RAB38: variants seen among roughly 807,000 people sequenced by gnomAD.
RAB38 encodes RAB38, member RAS oncogene family.
In RAB38, 15 loss-of-function variants were observed where a neutral mutation model predicts 18.4. That is an observed-to-expected ratio of 0.82 (90% CI 0.55 to 1.26). The LOEUF (loss-of-function observed/expected upper bound fraction) is 1.26, where lower values mean the gene tolerates loss of function less well. Ranked by LOEUF, RAB38 falls within the 50% of genes most tolerant of loss-of-function variation. The pLI, the probability that RAB38 is intolerant of heterozygous loss-of-function variation, is 0.00. For missense variants in RAB38, 294 were observed against 267.4 expected, an observed-to-expected ratio of 1.10 and a Z score of -0.69; for synonymous variants, 101 against 104.4, an observed-to-expected ratio of 0.97 and a Z score of 0.20.
the RAB38 span, among the ~76,000 whole-genome samples, chr11:87,977,404 T>TAAAATATAATTATATATATA: frequency 2.9e-4 from 14 of 47,630 alleles, 2 homozygotes; most frequent in Non-Finnish European, 3.2e-4. Flanking sequence ...TATATAATTA[T>TAAAATATAATTATATATATA]ATTATAAAAT....
intron 1 of RAB38, among the ~76,000 whole-genome samples, chr11:88,171,686 C>T (rs1943313438): frequency 6.6e-6 from 1 of 152,196 alleles, no homozygotes; most frequent in African/African-American, 2.4e-5. Context: ...ATATTAGCTA[C>T]TATCCCTATA....
chr11:87,972,752 AAATAT>A, the RAB38 span, among the ~76,000 whole-genome samples: 3 of 152,064 alleles, frequency 2.0e-5, no homozygotes, highest in Admixed American at 6.6e-5. Context: ...AAACCAAAAT[AAATAT>A]ATTTTTTAAA....
chr11:88,008,107 GAAGA>G, the RAB38 span, among the ~76,000 whole-genome samples: 2 of 152,078 alleles, frequency 1.3e-5, no homozygotes, highest in African/African-American at 2.4e-5. Flanking sequence ...GAAACTTTCA[GAAGA>G]AAGAAAAAAT....
At chr11:87,975,733 A>G in the RAB38 span, among the ~76,000 whole-genome samples, 2 of 151,776 alleles carry the variant, frequency 1.3e-5, no homozygotes, top group African/African-American at 2.4e-5. Flanking sequence ...AAATTAAGGA[A>G]GTATGTTATA....
At chr11:87,920,077 C>T in the RAB38 span, among the ~76,000 whole-genome samples, 2 of 151,766 alleles carry the variant, frequency 1.3e-5, no homozygotes, top group Admixed American at 1.3e-4. Flanking sequence ...TTTTGCTTGT[C>T]TTTTCAAGGA....
chr11:88,150,024 G>A, intron 1 of RAB38, 69 bp from the exon 2 acceptor site: 1 of 1,487,798 alleles, frequency 6.7e-7, no homozygotes, highest in South Asian at 1.3e-5. Context: ...ATAACTTCAT[G>A]AAGCCTCCAA....
the RAB38 span, among the ~76,000 whole-genome samples, chr11:87,841,403 C>T: frequency 2.0e-5 from 3 of 152,152 alleles, no homozygotes; most frequent in Non-Finnish European, 4.4e-5. Context: ...CCCCTTCTAC[C>T]ATGACTTAGC....
chr11:87,938,425 CT>C, the RAB38 span, among the ~76,000 whole-genome samples: 1 of 152,038 alleles, frequency 6.6e-6, no homozygotes, highest in Non-Finnish European at 1.5e-5. Context: ...TTAGCCCTCT[CT>C]GGCACTACCC....
At chr11:88,107,630 C>G in the RAB38 span, among the ~76,000 whole-genome samples, 19 of 151,634 alleles carry the variant, frequency 1.3e-4, no homozygotes, top group East Asian at 3.7e-3. Flanking sequence ...CGGTTCTGCT[C>G]TGATCTTAGT....
the RAB38 span, among the ~76,000 whole-genome samples, chr11:88,058,243 A>T: frequency 2.6e-5 from 4 of 152,036 alleles, no homozygotes; most frequent in Non-Finnish European, 5.9e-5. Context: ...AAAAGACCAT[A>T]ACCATGAAAT....
At chr11:88,159,433 C>G (rs186743330) in intron 1 of RAB38, among the ~76,000 whole-genome samples, 1 of 151,828 alleles carries the variant, frequency 6.6e-6, no homozygotes, top group East Asian at 1.9e-4. Context: ...ACATCCAATG[C>G]CATTCCTATC....
the RAB38 span, among the ~76,000 whole-genome samples, chr11:88,107,488 CTAAG>C: frequency 1.6e-3 from 242 of 152,060 alleles, no homozygotes; most frequent in African/African-American, 5.5e-3. Flanking sequence ...TAGCACTATA[CTAAG>C]TGTTTTACAT....
At chr11:87,921,385 A>G in the RAB38 span, among the ~76,000 whole-genome samples, 28 of 151,810 alleles carry the variant, frequency 1.8e-4, no homozygotes, top group African/African-American at 6.5e-4. Flanking sequence ...TTACCAGATG[A>G]TTTCGCCCAA....
chr11:88,028,961 G>A, the RAB38 span, among the ~76,000 whole-genome samples: 282 of 152,242 alleles, frequency 1.9e-3, 2 homozygotes, highest in African/African-American at 6.3e-3. Flanking sequence ...AGGAAAAAAT[G>A]TTAAGGGCAG....
the RAB38 span, among the ~76,000 whole-genome samples, chr11:88,020,164 AGGAGC>A: frequency 1.3e-5 from 2 of 152,212 alleles, no homozygotes; most frequent in African/African-American, 4.8e-5. Flanking sequence ...AAAGACATAG[AGGAGC>A]TGAATAGATA....
chr11:88,066,025 G>T, the RAB38 span, among the ~76,000 whole-genome samples: 1 of 152,174 alleles, frequency 6.6e-6, no homozygotes, highest in Non-Finnish European at 1.5e-5. Flanking sequence ...CTCTGCAAAG[G>T]CACTGCAGAC....
the RAB38 span, among the ~76,000 whole-genome samples, chr11:87,821,595 A>G: frequency 6.6e-5 from 10 of 152,146 alleles, no homozygotes; most frequent in African/African-American, 2.4e-4. Flanking sequence ...CAGGCCTGTA[A>G]TCCTAGCACT....
chr11:88,151,738 G>C (rs1219950367), intron 1 of RAB38, among the ~76,000 whole-genome samples: 1 of 152,166 alleles, frequency 6.6e-6, no homozygotes, highest in Non-Finnish European at 1.5e-5. Flanking sequence ...TTAGCAAGCT[G>C]TTTTGTAGAT....
intron 1 of RAB38, among the ~76,000 whole-genome samples, chr11:88,164,913 T>G (rs1364142487): frequency 2.0e-5 from 3 of 152,046 alleles, no homozygotes; most frequent in African/African-American, 7.2e-5. Flanking sequence ...CAACAAGCAC[T>G]ACAGCTATTC....
Sources: gnomAD v4.1 joint callset for allele counts (sites outside exome capture counted in the v4.1 genomes callset) on GRCh38, gnomAD v4.1.1 for gene constraint, MANE v1.5 for transcripts, NCBI Gene and HGNC (gene_info 2026-07-23, HGNC 2026-07-21) for gene names.